RBMS1: variants seen among roughly 807,000 people sequenced by gnomAD.
The protein encoded by RBMS1 is RNA-binding motif, single-stranded-interacting protein 1.
RBMS1 carries 17 observed loss-of-function variants against 62.3 expected under a neutral mutation model. The observed-to-expected ratio is 0.27, with a 90% CI of 0.19 to 0.41. RBMS1 has a LOEUF of 0.41. RBMS1 is among the 10% of genes least tolerant of loss of function. The pLI is 1.00. For missense variants in RBMS1, 334 were observed against 504.5 expected (o/e 0.66, Z 3.24); for synonymous variants, 172 against 170.0 (o/e 1.01, Z -0.09).
chr2:160,401,483 C>T (rs1337514248), intron 1 of RBMS1, among the ~76,000 whole-genome samples: 1 of 152,130 alleles, frequency 6.6e-6, no homozygotes, highest in African/African-American at 2.4e-5. Context: ...GTGTTCTATA[C>T]TATTTTAAAG....
At chr2:160,378,690 G>C (rs966683298) in intron 1 of RBMS1, among the ~76,000 whole-genome samples, 1 of 151,372 alleles carries the variant, frequency 6.6e-6, no homozygotes, top group African/African-American at 2.4e-5. Context: ...CAATTTAACC[G>C]GCTTGAATTA....
intron 1 of RBMS1, among the ~76,000 whole-genome samples, chr2:160,402,930 C>G (rs542405792): frequency 6.6e-6 from 1 of 152,284 alleles, no homozygotes; most frequent in Non-Finnish European, 1.5e-5. Flanking sequence ...CAGATAGACT[C>G]TTACCCTCCT....
chr2:160,395,623 C>CAAAAAAA, intron 1 of RBMS1, among the ~76,000 whole-genome samples: 1 of 53,048 alleles, frequency 1.9e-5, no homozygotes, highest in Non-Finnish European at 4.0e-5. Context: ...GACTCCGTCT[C>CAAAAAAA]AAAAAAAAAA....
At chr2:160,375,361 A>C (rs1425381306) in intron 1 of RBMS1, among the ~76,000 whole-genome samples, 1 of 152,238 alleles carries the variant, frequency 6.6e-6, no homozygotes, top group Non-Finnish European at 1.5e-5. Flanking sequence ...AGTGATTCTA[A>C]GAAAATATTC....
At chr2:160,418,316 G>A (rs936534162) in intron 1 of RBMS1, among the ~76,000 whole-genome samples, 1 of 152,154 alleles carries the variant, frequency 6.6e-6, no homozygotes, top group Admixed American at 6.6e-5. Flanking sequence ...TCCAACTGAT[G>A]AGCCTCACAA....
chr2:160,326,702 T>C (rs562877592), intron 2 of RBMS1, among the ~76,000 whole-genome samples: 2 of 152,326 alleles, frequency 1.3e-5, no homozygotes, highest in East Asian at 3.9e-4. Flanking sequence ...TCTTGCTTTT[T>C]GTACTTTGGC....
Position 160,307,532 on chromosome 2 carries a change from C to A in RBMS1, c.403-4045G>T, listed in dbSNP as rs72972830. On this transcript the variant is annotated intron_variant, in intron 4 of 13. Coordinates refer to ENST00000348849, the MANE Select transcript of RBMS1 (RefSeq NM_016836.4). Reference sequence around the variant, plus strand: ...TTCTGTCTTTGTAGCTCGTTATCTGCGTTTCTTTTCCTTTTATAGAATGTG... The same window carrying A: ...TTCTGTCTTTGTAGCTCGTTATCTGAGTTTCTTTTCCTTTTATAGAATGTG... Among the ~76,000 whole-genome samples, 3 of 152,220 alleles carry A rather than the reference C, an allele frequency of 2.0e-5. No homozygotes were observed. The East Asian group carries it at 5.8e-4, about 29-fold the overall frequency.
At position 160,349,241 on chromosome 2, in the gene RBMS1, G is replaced by T. The variant is rs78651761; in HGVS notation, c.251+17975C>A. Among the ~76,000 whole-genome samples, 651 of 152,238 alleles carry T rather than the reference G, an allele frequency of 4.3e-3. 1 individual carries two copies. The highest frequency in any genetic ancestry group is 6.8e-3 in the Non-Finnish European group (462 of 67,998). ...CATGGCCACTTGCTTGTTTATTTCT[G>T]ATCTCTGGTTTAATTTGCTGATGTC... On this transcript the variant is annotated intron_variant, in intron 2 of 13. Transcript: ENST00000348849.
chr2:160,291,390 A>G (rs1688670914), intron 6 of RBMS1, among the ~76,000 whole-genome samples: 1 of 152,206 alleles, frequency 6.6e-6, no homozygotes, highest in African/African-American at 2.4e-5. Flanking sequence ...TCTTTCTGAT[A>G]ATGTTGGCTA....
intron 1 of RBMS1, among the ~76,000 whole-genome samples, chr2:160,448,308 C>T (rs1314115371): frequency 1.3e-5 from 2 of 151,278 alleles, no homozygotes. Flanking sequence ...TCCCCCTCTC[C>T]CGTCTCCCTC....
chr2:160,451,521 G>T (rs1574076817), intron 1 of RBMS1, among the ~76,000 whole-genome samples: 1 of 152,252 alleles, frequency 6.6e-6, no homozygotes, highest in African/African-American at 2.4e-5. Context: ...TAACCTTAGT[G>T]TGTTATTAGT....
chr2:160,471,716 T>TATATATATATATATATATATATATATA (rs371634389), intron 1 of RBMS1, among the ~76,000 whole-genome samples: 79 of 76,186 alleles, frequency 1.0e-3, no homozygotes, highest in Admixed American at 1.7e-3. Flanking sequence ...TATATATATA[T>TATATATATATATATATATATATATATA]AACCTTTCAT....
At chr2:160,315,989 A>G (rs937587224) in intron 3 of RBMS1, among the ~76,000 whole-genome samples, 1 of 152,320 alleles carries the variant, frequency 6.6e-6, no homozygotes. Context: ...TCCCATATAT[A>G]AAGTCCTTTG....
intron 2 of RBMS1, among the ~76,000 whole-genome samples, chr2:160,357,626 C>T (rs1348382130): frequency 1.3e-5 from 2 of 152,236 alleles, no homozygotes; most frequent in East Asian, 3.9e-4. Context: ...CAACAGCACA[C>T]ATTTGAATTG....
intron 1 of RBMS1, among the ~76,000 whole-genome samples, chr2:160,437,731 A>G (rs1683170681): frequency 6.6e-6 from 1 of 152,252 alleles, no homozygotes; most frequent in Non-Finnish European, 1.5e-5. Context: ...TACAGATACA[A>G]AGGAATGGTC....
intron 2 of RBMS1, among the ~76,000 whole-genome samples, chr2:160,335,530 C>T (rs1573882996): frequency 6.6e-6 from 1 of 152,132 alleles, no homozygotes; most frequent in Non-Finnish European, 1.5e-5. Flanking sequence ...TTCCTGCTCT[C>T]GCTAAATGAA....
At chr2:160,465,830 A>T (rs1387214817) in intron 1 of RBMS1, among the ~76,000 whole-genome samples, 2 of 148,520 alleles carry the variant, frequency 1.3e-5, no homozygotes, top group Non-Finnish European at 1.5e-5. Context: ...TGGCAGAGCT[A>T]CACCCTCCCC....
chr2:160,382,195 G>T (rs1190242815), intron 1 of RBMS1, among the ~76,000 whole-genome samples: 1 of 152,228 alleles, frequency 6.6e-6, no homozygotes, highest in Admixed American at 6.5e-5. Flanking sequence ...GTATAAGGAG[G>T]TGGGTGAAGT....
At chr2:160,449,829 TA>T (rs71006603) in intron 1 of RBMS1, among the ~76,000 whole-genome samples, 109,511 of 151,660 alleles carry the variant, frequency 0.72, 39,926 homozygotes, top group Admixed American at 0.79. Flanking sequence ...CAATAAATAC[TA>T]AAAAAAAATT....
Sources: allele counts gnomAD v4.1 joint callset (sites outside exome capture counted in the v4.1 genomes callset), GRCh38; gene constraint gnomAD v4.1.1; transcripts MANE v1.5; gene names NCBI Gene and HGNC (gene_info 2026-07-23, HGNC 2026-07-21).